Variants in ST6GALNAC3 observed in about 807,000 individuals in gnomAD.
The protein encoded by ST6GALNAC3 is ST6 N-acetylgalactosaminide alpha-2,6-sialyltransferase 3.
Under a neutral mutation model 32.7 loss-of-function variants are expected in ST6GALNAC3, and 25 were observed. The ratio of observed to expected loss-of-function variants is 0.76; its 90% CI spans 0.56 to 1.07. The LOEUF (loss-of-function observed/expected upper bound fraction) is 1.07, where lower values mean the gene tolerates loss of function less well. Among genes scored for constraint, ST6GALNAC3 ranks in the 50% least tolerant of loss-of-function variants. ST6GALNAC3 has a pLI of 0.00. For missense variants in ST6GALNAC3, 355 were observed against 382.4 expected, an observed-to-expected ratio of 0.93 and a Z score of 0.60; for synonymous variants, 129 against 133.1, an observed-to-expected ratio of 0.97 and a Z score of 0.21.
At chr1:76,110,589 T>A (rs1647857353) in intron 1 of ST6GALNAC3, among the ~76,000 whole-genome samples, 1 of 152,186 alleles carries the variant, frequency 6.6e-6, no homozygotes, top group African/African-American at 2.4e-5. Flanking sequence ...TATTAGGTGA[T>A]CACCAGAGGC....
At chr1:76,494,890 G>A (rs191349367) in intron 3 of ST6GALNAC3, among the ~76,000 whole-genome samples, 126 of 152,192 alleles carry the variant, frequency 8.3e-4, no homozygotes, top group Middle Eastern at 3.4e-3. Context: ...GTTCCCATTT[G>A]AAGGCTGGCA....
intron 3 of ST6GALNAC3, among the ~76,000 whole-genome samples, chr1:76,555,126 C>G (rs1316835605): frequency 1.3e-5 from 2 of 151,982 alleles, no homozygotes; most frequent in Non-Finnish European, 2.9e-5. Flanking sequence ...GAGGAGAAGG[C>G]AGGAAGATGC....
intron 2 of ST6GALNAC3, among the ~76,000 whole-genome samples, chr1:76,356,964 G>T (rs1477096904): frequency 6.6e-6 from 1 of 151,962 alleles, no homozygotes; most frequent in Non-Finnish European, 1.5e-5. Flanking sequence ...GTAACCCAAG[G>T]TACGCAAGAA....
chr1:76,277,663 C>T (rs890505958), intron 1 of ST6GALNAC3, among the ~76,000 whole-genome samples: 3 of 150,134 alleles, frequency 2.0e-5, no homozygotes, highest in Non-Finnish European at 3.0e-5. Flanking sequence ...TGTATATACA[C>T]GAATATACAC....
chr1:76,129,345 G>A (rs1018248506), intron 1 of ST6GALNAC3, among the ~76,000 whole-genome samples: 1 of 152,148 alleles, frequency 6.6e-6, no homozygotes, highest in Non-Finnish European at 1.5e-5. Flanking sequence ...TAAAGGAGTG[G>A]TTGGGTACAC....
chr1:76,106,091 G>T (rs1256874121), intron 1 of ST6GALNAC3, among the ~76,000 whole-genome samples: 1 of 152,198 alleles, frequency 6.6e-6, no homozygotes, highest in Non-Finnish European at 1.5e-5. Context: ...CAACAAGAAT[G>T]CTTGTCTTTT....
At chr1:76,136,221 T>G (rs192837329) in intron 1 of ST6GALNAC3, among the ~76,000 whole-genome samples, 6 of 152,362 alleles carry the variant, frequency 3.9e-5, no homozygotes, top group Non-Finnish European at 8.8e-5. Flanking sequence ...GTTTACTAAA[T>G]GGCAGGAACC....
chr1:76,500,598 T>C (rs1301397368), intron 3 of ST6GALNAC3, among the ~76,000 whole-genome samples: 1 of 152,190 alleles, frequency 6.6e-6, no homozygotes, highest in Non-Finnish European at 1.5e-5. Context: ...ATTTTCCCCT[T>C]TTAATCAATG....
chr1:76,122,866 C>G (rs139229757), intron 1 of ST6GALNAC3, among the ~76,000 whole-genome samples: 1 of 152,308 alleles, frequency 6.6e-6, no homozygotes, highest in African/African-American at 2.4e-5. Flanking sequence ...ACGAGAGCTA[C>G]AGACACAAAG....
chr1:76,121,204 G>A (rs766114790), intron 1 of ST6GALNAC3, among the ~76,000 whole-genome samples: 1 of 152,196 alleles, frequency 6.6e-6, no homozygotes, highest in Non-Finnish European at 1.5e-5. Flanking sequence ...TTGGAGATTA[G>A]GATGTTGGCA....
intron 1 of ST6GALNAC3, among the ~76,000 whole-genome samples, chr1:76,211,530 C>T (rs1035095221): frequency 2.6e-4 from 40 of 152,202 alleles, no homozygotes; most frequent in African/African-American, 9.4e-4. Context: ...AGACTTGGAC[C>T]CAAGTCAAAT....
intron 1 of ST6GALNAC3, among the ~76,000 whole-genome samples, chr1:76,113,082 T>A (rs1434297460): frequency 6.6e-6 from 1 of 152,050 alleles, no homozygotes; most frequent in East Asian, 1.9e-4. Flanking sequence ...CCGTCTGCCA[T>A]CCCGGCACCT....
chr1:76,390,445 A>G (rs1402093715), intron 2 of ST6GALNAC3, among the ~76,000 whole-genome samples: 1 of 152,254 alleles, frequency 6.6e-6, no homozygotes, highest in Non-Finnish European at 1.5e-5. Flanking sequence ...AACTCCTGTG[A>G]CACAGTATCC....
At chr1:76,523,665 TA>T (rs1214278403) in intron 3 of ST6GALNAC3, among the ~76,000 whole-genome samples, 3 of 152,312 alleles carry the variant, frequency 2.0e-5, no homozygotes, top group South Asian at 4.1e-4. Flanking sequence ...TCATTCATCC[TA>T]GCAAGTTTTT....
At chr1:76,108,859 ATAGT>A (rs1383918535) in intron 1 of ST6GALNAC3, among the ~76,000 whole-genome samples, 11 of 106,282 alleles carry the variant, frequency 1.0e-4, no homozygotes, top group Non-Finnish European at 2.2e-4. Context: ...ATCTGTAGAC[ATAGT>A]GTGTGTGTGT....
At chr1:76,406,656 T>C (rs564456227) in intron 2 of ST6GALNAC3, among the ~76,000 whole-genome samples, 8 of 152,172 alleles carry the variant, frequency 5.3e-5, no homozygotes, top group African/African-American at 1.7e-4. Flanking sequence ...TTAAAATAAT[T>C]TAAATATAAT....
At chr1:76,490,167 T>C (rs1301331480) in intron 3 of ST6GALNAC3, among the ~76,000 whole-genome samples, 2 of 152,030 alleles carry the variant, frequency 1.3e-5, no homozygotes, top group African/African-American at 4.8e-5. Flanking sequence ...TCGATGACCC[T>C]CTTGCATGTC....
chr1:76,176,946 G>A (rs935096140), intron 1 of ST6GALNAC3, among the ~76,000 whole-genome samples: 1 of 152,172 alleles, frequency 6.6e-6, no homozygotes, highest in Admixed American at 6.5e-5. Flanking sequence ...GCAGTGGCTT[G>A]AGCCTGAAAT....
At chr1:76,294,370 A>T (rs1373615252) in intron 1 of ST6GALNAC3, among the ~76,000 whole-genome samples, 2 of 152,180 alleles carry the variant, frequency 1.3e-5, no homozygotes, top group East Asian at 1.9e-4. Flanking sequence ...TTAAAAAAAA[A>T]ACCTTTGAAA....
Sources: allele counts gnomAD v4.1 joint callset (sites outside exome capture counted in the v4.1 genomes callset), GRCh38; gene constraint gnomAD v4.1.1; transcripts MANE v1.5; gene names NCBI Gene and HGNC (gene_info 2026-07-23, HGNC 2026-07-21).